Variants in DAB1 observed in about 807,000 individuals in gnomAD.
DAB1 encodes disabled homolog 1.
In DAB1, 15 loss-of-function variants were observed where a neutral mutation model predicts 64.6. The ratio of observed to expected loss-of-function variants is 0.23; its 90% CI spans 0.16 to 0.36. The LOEUF is 0.36. DAB1 is among the 10% of genes least tolerant of loss of function. The pLI is 1.00. For missense variants in DAB1, 596 were observed against 706.7 expected (o/e 0.84, Z 1.78); for synonymous variants, 235 against 251.9 (o/e 0.93, Z 0.64).
chr1:57,383,618 G>A (rs752789741), intron 1 of DAB1, among the ~76,000 whole-genome samples: 10 of 152,100 alleles, frequency 6.6e-5, no homozygotes, highest in Non-Finnish European at 1.5e-4. Context: ...TCACATAGAA[G>A]GTCAAATGAT....
At chr1:57,939,620 G>A (rs1156757445) in intron 5 of DAB1, among the ~76,000 whole-genome samples, 1 of 152,138 alleles carries the variant, frequency 6.6e-6, no homozygotes, top group Non-Finnish European at 1.5e-5. Flanking sequence ...AACAATCCAA[G>A]TTGGGGGAGG....
chr1:57,976,521 G>A (rs1023485873), intron 5 of DAB1, among the ~76,000 whole-genome samples: 5 of 152,132 alleles, frequency 3.3e-5, no homozygotes, highest in Non-Finnish European at 5.9e-5. Flanking sequence ...CCAGCGTCTG[G>A]TTGGTTTGCG....
intron 5 of DAB1, among the ~76,000 whole-genome samples, chr1:58,040,298 G>T (rs1435147218): frequency 1.3e-5 from 2 of 152,170 alleles, no homozygotes; most frequent in African/African-American, 4.8e-5. Flanking sequence ...TTGAAAGCAT[G>T]ATTAAATCTT....
chr1:57,756,865 T>C (rs1010197746), intron 6 of DAB1, among the ~76,000 whole-genome samples: 4 of 152,154 alleles, frequency 2.6e-5, no homozygotes, highest in African/African-American at 7.2e-5. Flanking sequence ...CCCTACCATA[T>C]GTAAGGGCCA....
intron 7 of DAB1, among the ~76,000 whole-genome samples, chr1:57,568,146 G>A (rs1456541968): frequency 2.0e-5 from 3 of 152,112 alleles, no homozygotes; most frequent in Non-Finnish European, 2.9e-5. Flanking sequence ...TCTGATCTTT[G>A]ACAAACCTGA....
chr1:57,532,414 T>C (rs781200281), intron 7 of DAB1, among the ~76,000 whole-genome samples: 4 of 152,244 alleles, frequency 2.6e-5, no homozygotes, highest in Non-Finnish European at 4.4e-5. Flanking sequence ...TGTCATTGTA[T>C]ATATTGTGAT....
At chr1:57,282,195 A>AC (rs1671960711) in intron 2 of DAB1, among the ~76,000 whole-genome samples, 1 of 100,096 alleles carries the variant, frequency 1.0e-5, no homozygotes, top group African/African-American at 3.7e-5. Flanking sequence ...AAAAAAAAAA[A>AC]AAAAAAAAAA....
At chr1:57,925,885 C>T (rs963155091) in intron 5 of DAB1, among the ~76,000 whole-genome samples, 3 of 152,168 alleles carry the variant, frequency 2.0e-5, no homozygotes, top group East Asian at 3.9e-4. Context: ...TGAGCAAAGG[C>T]TTGATTTAAA....
At chr1:57,227,519 T>TTTTTTGTGTG (rs3222527) in intron 2 of DAB1, among the ~76,000 whole-genome samples, 1 of 135,726 alleles carries the variant, frequency 7.4e-6, no homozygotes, top group African/African-American at 2.7e-5. Flanking sequence ...TTTTTTTCTT[T>TTTTTTGTGTG]TGTGTGTGTG....
At chr1:58,376,071 C>G (rs1483042324) in intron 3 of DAB1, among the ~76,000 whole-genome samples, 1 of 151,950 alleles carries the variant, frequency 6.6e-6, no homozygotes, top group Non-Finnish European at 1.5e-5. Flanking sequence ...ATTCTTCTCT[C>G]TTTTTTTCTT....
chr1:58,195,991 T>G (rs960379234), intron 4 of DAB1, among the ~76,000 whole-genome samples: 2 of 152,164 alleles, frequency 1.3e-5, no homozygotes, highest in African/African-American at 4.8e-5. Flanking sequence ...CCTTAAGAAT[T>G]ATTCTCTCCA....
chr1:57,881,047 A>C (rs931776946), intron 1 of DAB1: 1 of 152,222 alleles, frequency 6.6e-6, no homozygotes, highest in Non-Finnish European at 1.5e-5. Flanking sequence ...ATGATTTATC[A>C]TGTCTTTGCA....
At chr1:57,610,139 A>C (rs371269446) in intron 7 of DAB1, among the ~76,000 whole-genome samples, 5 of 152,314 alleles carry the variant, frequency 3.3e-5, no homozygotes, top group African/African-American at 1.2e-4. Context: ...AAGACTCTGC[A>C]GTTCAAGACT....
At chr1:57,513,054 T>A (rs546518064) in intron 7 of DAB1, among the ~76,000 whole-genome samples, 199 of 152,322 alleles carry the variant, frequency 1.3e-3, no homozygotes, top group African/African-American at 4.6e-3. Context: ...AGGAGAAAAC[T>A]GAAGCTCAAA....
intron 5 of DAB1, among the ~76,000 whole-genome samples, chr1:58,094,309 C>T (rs1650858541): frequency 6.6e-6 from 1 of 152,194 alleles, no homozygotes; most frequent in Admixed American, 6.5e-5. Flanking sequence ...ATTAAATATC[C>T]TTTGTTTTAC....
chr1:57,446,419 G>C (rs905796975), intron 7 of DAB1, among the ~76,000 whole-genome samples: 1 of 152,036 alleles, frequency 6.6e-6, no homozygotes, highest in African/African-American at 2.4e-5. Flanking sequence ...CCCACACGGA[G>C]AAACTCCATC....
At chr1:57,974,032 C>A (rs184389091) in intron 5 of DAB1, among the ~76,000 whole-genome samples, 1 of 152,128 alleles carries the variant, frequency 6.6e-6, no homozygotes, top group Non-Finnish European at 1.5e-5. Flanking sequence ...CTTTATTTCA[C>A]CCCACCCCTG....
At chr1:58,078,980 G>C (rs1649817150) in intron 5 of DAB1, among the ~76,000 whole-genome samples, 1 of 152,198 alleles carries the variant, frequency 6.6e-6, no homozygotes, top group Admixed American at 6.5e-5. Context: ...TGGAGAGCAG[G>C]CTGATGAGAA....
At chr1:57,746,144 T>C (rs562343867) in intron 6 of DAB1, among the ~76,000 whole-genome samples, 3 of 152,190 alleles carry the variant, frequency 2.0e-5, no homozygotes, top group Admixed American at 6.5e-5. Flanking sequence ...CAATAAATTT[T>C]CTGGTCCATG....
Sources: allele counts gnomAD v4.1 joint callset (sites outside exome capture counted in the v4.1 genomes callset), GRCh38; gene constraint gnomAD v4.1.1; transcripts MANE v1.5; gene names NCBI Gene and HGNC (gene_info 2026-07-23, HGNC 2026-07-21).